The following BEND6 variants were observed in gnomAD, a reference collection of about 807,000 sequenced individuals.
BEND6 encodes the protein BEN domain containing 6.
BEND6 carries 24 observed loss-of-function variants against 31.8 expected under a neutral mutation model. That is an observed-to-expected ratio of 0.75 (90% CI 0.55 to 1.06). The LOEUF is 1.06. Among genes scored for constraint, BEND6 ranks in the 50% least tolerant of loss-of-function variants. BEND6 has a pLI of 0.00. For missense variants in BEND6, 294 were observed against 327.4 expected (o/e 0.90, Z 0.79); for synonymous variants, 109 against 114.6 (o/e 0.95, Z 0.31).
At chr6:56,970,320 C>T (rs1439167496) in intron 1 of BEND6, among the ~76,000 whole-genome samples, 1 of 151,958 alleles carries the variant, frequency 6.6e-6, no homozygotes. Flanking sequence ...TCAGCCTCCC[C>T]AGTAGCTGGG....
intron 2 of BEND6, among the ~76,000 whole-genome samples, chr6:56,990,168 C>T (rs894668796): frequency 1.3e-5 from 2 of 151,112 alleles, no homozygotes; most frequent in Non-Finnish European, 2.9e-5. Flanking sequence ...GAACAGATCC[C>T]ATTTCTGCAG....
chr6:57,004,214 A>G (rs1219962041), intron 3 of BEND6, among the ~76,000 whole-genome samples: 1 of 152,212 alleles, frequency 6.6e-6, no homozygotes, highest in Non-Finnish European at 1.5e-5. Context: ...AGGCATCCAA[A>G]TAGGAAAAGA....
chr6:56,965,179 G>A (rs975815543), intron 1 of BEND6, among the ~76,000 whole-genome samples: 5 of 152,088 alleles, frequency 3.3e-5, no homozygotes, highest in African/African-American at 1.2e-4. Context: ...TAATGTAGCT[G>A]ATCATTTGTT....
chr6:56,977,282 T>G (rs1825910774), intron 1 of BEND6, among the ~76,000 whole-genome samples: 1 of 152,210 alleles, frequency 6.6e-6, no homozygotes, highest in Admixed American at 6.5e-5. Flanking sequence ...TGTTTCTTAA[T>G]GAGTCAACAG....
At chr6:56,957,369 T>C (rs1358824564) in intron 1 of BEND6, among the ~76,000 whole-genome samples, 3 of 152,228 alleles carry the variant, frequency 2.0e-5, no homozygotes, top group Non-Finnish European at 4.4e-5. Flanking sequence ...CTTGAAAGAA[T>C]TTAGTATTTA....
intron 3 of BEND6, among the ~76,000 whole-genome samples, chr6:56,996,454 CAAACAA>C (rs1229775653): frequency 6.6e-5 from 10 of 151,636 alleles, no homozygotes; most frequent in Non-Finnish European, 1.2e-4. Flanking sequence ...CAAAAACAAA[CAAACAA>C]AAACAAAAAC....
At chr6:57,002,718 TAAGAG>T (rs1330464891) in intron 3 of BEND6, among the ~76,000 whole-genome samples, 1 of 152,114 alleles carries the variant, frequency 6.6e-6, no homozygotes, top group African/African-American at 2.4e-5. Flanking sequence ...AAACTAGTGT[TAAGAG>T]AAAAGTTTAT....
chr6:56,998,392 ATG>A (rs1046939188), intron 3 of BEND6, among the ~76,000 whole-genome samples: 2 of 151,988 alleles, frequency 1.3e-5, no homozygotes, highest in Non-Finnish European at 2.9e-5. Flanking sequence ...TGTGTGTGCT[ATG>A]TGTGTGTGTG....
intron 1 of BEND6, among the ~76,000 whole-genome samples, chr6:56,973,129 C>A (rs2127845916): frequency 6.6e-6 from 1 of 152,168 alleles, no homozygotes; most frequent in South Asian, 2.1e-4. Context: ...TTGAGAGAAC[C>A]CTTCCTGGAG....
intron 1 of BEND6, among the ~76,000 whole-genome samples, chr6:56,977,154 G>C (rs994153724): frequency 6.6e-6 from 1 of 152,172 alleles, no homozygotes; most frequent in African/African-American, 2.4e-5. Context: ...AATTATACTT[G>C]ACTGCAGTAG....
At position 56,981,721 on chromosome 6, in the gene BEND6, A is replaced by G; in HGVS notation, c.-90A>G. 2.1e-6 allele frequency: 3 copies of G among 1,460,296 alleles called. No homozygotes were observed. Among genetic ancestry groups the G allele is most frequent in the Non-Finnish European group, 2.8e-6 (3 of 1,076,164 alleles). 90.5% of individuals were successfully genotyped at this position (1,460,296 alleles called of 1,614,324 possible). Reference sequence around the variant, plus strand: ...GTTTTTGTTTTTAAGGGAAAGCATTAACTTTTGAGCTACGTCCAGAATAGC... The same window carrying G: ...GTTTTTGTTTTTAAGGGAAAGCATTGACTTTTGAGCTACGTCCAGAATAGC... On this transcript the variant is annotated 5_prime_UTR_variant, in exon 2 of 7. Transcript: ENST00000370746.
intron 3 of BEND6, chr6:57,004,666 G>GA (rs113372809): frequency 0.011 from 12,877 of 1,212,212 alleles, no homozygotes; most frequent in Non-Finnish European, 0.013. Flanking sequence ...ATTACATTTG[G>GA]AAAAAAAAAA....
intron 2 of BEND6, among the ~76,000 whole-genome samples, chr6:56,991,035 T>G (rs1004631661): frequency 6.6e-6 from 1 of 152,182 alleles, no homozygotes; most frequent in Non-Finnish European, 1.5e-5. Context: ...CCAATAATAT[T>G]GCAATCTAAT....
At chr6:56,990,805 T>A (rs997875375) in intron 2 of BEND6, among the ~76,000 whole-genome samples, 1 of 152,192 alleles carries the variant, frequency 6.6e-6, no homozygotes, top group Non-Finnish European at 1.5e-5. Context: ...GCATAATCAA[T>A]TTTTTAAAAA....
At chr6:56,972,093 T>A (rs1487360029) in intron 1 of BEND6, among the ~76,000 whole-genome samples, 3 of 135,462 alleles carry the variant, frequency 2.2e-5, no homozygotes, top group Non-Finnish European at 3.2e-5. Context: ...TTTCTTTTTT[T>A]TTTTTTTTTT....
At chr6:56,966,403 G>GT (rs1472566841) in intron 1 of BEND6, among the ~76,000 whole-genome samples, 2 of 152,182 alleles carry the variant, frequency 1.3e-5, no homozygotes, top group South Asian at 2.1e-4. Context: ...CGCCTGGCCT[G>GT]TTTTTTTATA....
At chr6:57,004,656 A>C in intron 3 of BEND6, 1 of 1,295,070 alleles carries the variant, frequency 7.7e-7, no homozygotes, top group Non-Finnish European at 1.1e-6. Flanking sequence ...TGGAGTGGGC[A>C]TTACATTTGG....
intron 3 of BEND6, among the ~76,000 whole-genome samples, chr6:57,011,747 AAAAG>A: frequency 6.8e-6 from 1 of 147,656 alleles, no homozygotes. Context: ...AAAAAAAAAG[AAAAG>A]AAAAGAAAAA....
chr6:57,023,034 T>C (rs1409348107), intron 6 of BEND6, among the ~76,000 whole-genome samples: 1 of 152,220 alleles, frequency 6.6e-6, no homozygotes, highest in Non-Finnish European at 1.5e-5. Context: ...ACTTGTTTTG[T>C]GGCCTAGATA....
Sources: allele counts gnomAD v4.1 joint callset (sites outside exome capture counted in the v4.1 genomes callset), GRCh38; gene constraint gnomAD v4.1.1; transcripts MANE v1.5; gene names NCBI Gene and HGNC (gene_info 2026-07-23, HGNC 2026-07-21).